Variants in PRMT8 observed in about 807,000 individuals in gnomAD.
The protein encoded by PRMT8 is protein arginine N-methyltransferase 8.
Under a neutral mutation model 47.1 loss-of-function variants are expected in PRMT8, and 7 were observed. That is an observed-to-expected ratio of 0.15 (90% confidence interval 0.08 to 0.28). The LOEUF is 0.28. PRMT8 is among the 10% of genes least tolerant of loss of function. The pLI is 1.00. For synonymous variants in PRMT8, 188 were observed against 186.5 expected (o/e 1.01, Z -0.07); for missense variants, 237 against 505.4 (o/e 0.47, Z 5.09).
At chr12:3,393,093 A>C (rs1324567001) in intron 1 of PRMT8, among the ~76,000 whole-genome samples, 2 of 152,004 alleles carry the variant, frequency 1.3e-5, no homozygotes, top group African/African-American at 2.4e-5. Context: ...GTTTCAGTTC[A>C]TTATAGATTC....
chr12:3,439,721 TG>T (rs1439651036), intron 1 of PRMT8, among the ~76,000 whole-genome samples: 2 of 152,068 alleles, frequency 1.3e-5, no homozygotes, highest in Admixed American at 1.3e-4. Flanking sequence ...GAAACAAAGG[TG>T]GGGGTGTCTC....
chr12:3,451,552 G>A (rs951319607), intron 1 of PRMT8, among the ~76,000 whole-genome samples: 5 of 152,186 alleles, frequency 3.3e-5, no homozygotes, highest in African/African-American at 1.2e-4. Context: ...CATTCAGGAG[G>A]CTGCCTATTT....
chr12:3,398,415 C>G (rs1864284011), intron 1 of PRMT8, among the ~76,000 whole-genome samples: 1 of 152,196 alleles, frequency 6.6e-6, no homozygotes, highest in East Asian at 1.9e-4. Flanking sequence ...GGCTACAACA[C>G]AGCACTGTTT....
chr12:3,385,862 T>C (rs1434877898), intron 1 of PRMT8, among the ~76,000 whole-genome samples: 1 of 152,238 alleles, frequency 6.6e-6, no homozygotes, highest in Non-Finnish European at 1.5e-5. Context: ...CTATTTTGCC[T>C]TCATTTGTAG....
chr12:3,410,543 C>T (rs1292269004), intron 1 of PRMT8, among the ~76,000 whole-genome samples: 1 of 152,208 alleles, frequency 6.6e-6, no homozygotes, highest in Admixed American at 6.5e-5. Context: ...GAGTCTTGCT[C>T]TGTCGCCCAG....
chr12:3,554,552 A>T (rs928561442), intron 4 of PRMT8, among the ~76,000 whole-genome samples: 5 of 152,220 alleles, frequency 3.3e-5, no homozygotes, highest in Non-Finnish European at 5.9e-5. Flanking sequence ...ACAGTGAGAC[A>T]GAGGCCGCCT....
At chr12:3,433,893 C>CTGTA (rs1864709132) in intron 1 of PRMT8, among the ~76,000 whole-genome samples, 1 of 152,202 alleles carries the variant, frequency 6.6e-6, no homozygotes, top group East Asian at 1.9e-4. Flanking sequence ...CGTGAGCCAC[C>CTGTA]ATGCCCAGCC....
At chr12:3,524,989 G>A (rs750159827) in intron 1 of PRMT8, among the ~76,000 whole-genome samples, 7 of 152,184 alleles carry the variant, frequency 4.6e-5, no homozygotes, top group African/African-American at 2.4e-5. Flanking sequence ...TTGGGAGACC[G>A]AGGCGGGTGG....
chr12:3,509,946 G>A (rs945514527), intron 1 of PRMT8, among the ~76,000 whole-genome samples: 9 of 152,232 alleles, frequency 5.9e-5, no homozygotes, highest in Non-Finnish European at 1.5e-5. Flanking sequence ...GGGGAGTGAG[G>A]GCTTTGCCTG....
chr12:3,381,811 A>G (rs1420533328), intron 1 of PRMT8, among the ~76,000 whole-genome samples: 5 of 152,218 alleles, frequency 3.3e-5, no homozygotes, highest in Non-Finnish European at 7.3e-5. Context: ...CAAGATACAG[A>G]ACATTCCATC....
At chr12:3,581,001 A>G (rs940820861) in intron 7 of PRMT8, among the ~76,000 whole-genome samples, 2 of 152,334 alleles carry the variant, frequency 1.3e-5, no homozygotes, top group African/African-American at 4.8e-5. Context: ...GGCCCACGCT[A>G]ACAGATGACA....
intron 1 of PRMT8, among the ~76,000 whole-genome samples, chr12:3,432,712 C>G (rs879670391): frequency 1.3e-5 from 2 of 152,126 alleles, no homozygotes; most frequent in African/African-American, 2.4e-5. Flanking sequence ...ATGGCCCGGT[C>G]ATGTGACCCA....
At position 3,557,651 on chromosome 12, in the gene PRMT8, G is replaced by A. The variant is rs1337621255; in HGVS notation, c.481+3937G>A. Among the ~76,000 whole-genome samples, 2 of 152,170 alleles carry A rather than the reference G, an allele frequency of 1.3e-5. No homozygotes were observed. The highest frequency in any genetic ancestry group is 2.9e-5 in the Non-Finnish European group (2 of 68,024). On this transcript the variant is annotated intron_variant, in intron 4 of 9. Transcript: ENST00000382622. This position sits in a 1 kb window ranked among gnomAD's most constrained non-coding sequence, Gnocchi z 4.7. ...ATTCTTTCTCTGGGAGGGTGACACAGCCTGGCCTCCTTCTCCCCAACCTGT... is the reference window on the plus strand; with the variant it reads ...ATTCTTTCTCTGGGAGGGTGACACAACCTGGCCTCCTTCTCCCCAACCTGT...
chr12:3,544,859 C>T (rs1445245667), intron 2 of PRMT8, among the ~76,000 whole-genome samples: 1 of 152,228 alleles, frequency 6.6e-6, no homozygotes, highest in Non-Finnish European at 1.5e-5. Flanking sequence ...AAGGTCTGCA[C>T]AATAGCTGGG....
chr12:3,411,608 C>T (rs140434261), intron 1 of PRMT8, among the ~76,000 whole-genome samples: 22 of 152,288 alleles, frequency 1.4e-4, no homozygotes, highest in East Asian at 5.8e-4. Context: ...TTTCATGTTT[C>T]GGAAACTTGA....
intron 4 of PRMT8, among the ~76,000 whole-genome samples, chr12:3,560,988 T>A (rs548638556): frequency 6.6e-6 from 1 of 152,322 alleles, no homozygotes; most frequent in African/African-American, 2.4e-5. Context: ...TGTAAGGTTC[T>A]GCACCTTGAT....
rs1231604268 is a variant in PRMT8 at position 3,439,735 on chromosome 12, G to T, written c.48+58293G>T. 3.9e-5 allele frequency among the ~76,000 whole-genome samples: 6 copies of T among 152,274 alleles called. No homozygotes were observed. In the East Asian group the frequency reaches 1.2e-3, roughly 29 times the overall value. On this transcript the variant is annotated intron_variant, in intron 1 of 9. Transcript: ENST00000452611. Reference sequence around the variant, plus strand: ...AGAAACAAAGGTGGGGGTGTCTCTAGGGGGCTCAACTTTAACCTAACGGGA... The same window carrying T: ...AGAAACAAAGGTGGGGGTGTCTCTATGGGGCTCAACTTTAACCTAACGGGA...
intron 1 of PRMT8, among the ~76,000 whole-genome samples, chr12:3,414,502 G>A (rs952923554): frequency 1.3e-5 from 2 of 152,178 alleles, no homozygotes; most frequent in Non-Finnish European, 2.9e-5. Flanking sequence ...GCCTGCAAGC[G>A]AGTGTGGGAA....
intron 1 of PRMT8, among the ~76,000 whole-genome samples, chr12:3,520,099 G>A (rs938770828): frequency 6.6e-6 from 1 of 152,186 alleles, no homozygotes; most frequent in Non-Finnish European, 1.5e-5. Flanking sequence ...TGGGCCAGGG[G>A]AGGATCCTTG....
Sources: allele counts gnomAD v4.1 joint callset (sites outside exome capture counted in the v4.1 genomes callset), GRCh38; gene constraint gnomAD v4.1.1; non-coding constraint Gnocchi (gnomAD v3.1); transcripts MANE v1.5; gene names NCBI Gene and HGNC (gene_info 2026-07-23, HGNC 2026-07-21).